KCTD16: variants seen among roughly 807,000 people sequenced by gnomAD.
KCTD16 encodes potassium channel tetramerization domain containing 16.
In KCTD16, 13 loss-of-function variants were observed where a neutral mutation model predicts 33.2. The observed-to-expected ratio is 0.39, with a 90% CI of 0.25 to 0.62. The LOEUF is 0.62. KCTD16 is among the 20% of genes least tolerant of loss of function. The pLI is 0.50. For missense variants in KCTD16, 441 were observed against 525.1 expected (o/e 0.84, Z 1.57); for synonymous variants, 197 against 195.3 (o/e 1.01, Z -0.07).
At chr5:144,299,063 TATATATATA>T (rs1231472976) in intron 3 of KCTD16, among the ~76,000 whole-genome samples, 3,372 of 90,512 alleles carry the variant, frequency 0.037, 441 homozygotes, top group African/African-American at 0.1. Context: ...TATATATATA[TATATATATA>T]TTTTTGTATA....
chr5:144,356,147 TACG>T (rs1458949731), intron 3 of KCTD16, among the ~76,000 whole-genome samples: 5 of 152,188 alleles, frequency 3.3e-5, no homozygotes, highest in Non-Finnish European at 5.9e-5. Flanking sequence ...GGTTAGAAGC[TACG>T]ACGGTCTCAC....
In KCTD16 at chr5:144,479,074, T is replaced by G. The variant is rs773790868; in HGVS notation, c.*4960T>G. The G allele has an allele frequency of 5.3e-5, 8 of 152,000 alleles. No homozygotes were observed. The highest frequency in any genetic ancestry group is 4.8e-5 in the African/African-American group (2 of 41,436). The allele number at this position is 152,000 out of a possible 1,614,324, so 9.4% of individuals were successfully genotyped here. A position where few individuals can be genotyped will look rare whatever the true frequency, so the allele number is the denominator to read the frequency against. On this transcript the variant is annotated 3_prime_UTR_variant, in exon 4 of 4. Transcript: ENST00000512467. ...GATCTTTCCCAAGGAGAGTTGTTTA[T>G]TTCTAGGCCCTTACTTAGTATGAGT... is the stretch of plus-strand genomic sequence containing the variant.
intron 3 of KCTD16, among the ~76,000 whole-genome samples, chr5:144,245,075 G>C (rs1378234027): frequency 6.6e-6 from 1 of 152,076 alleles, no homozygotes; most frequent in Non-Finnish European, 1.5e-5. Context: ...TGTATGTTTT[G>C]TTTATTCCAT....
At chr5:144,182,308 A>C (rs1752642539) in intron 2 of KCTD16, among the ~76,000 whole-genome samples, 1 of 152,226 alleles carries the variant, frequency 6.6e-6, no homozygotes, top group African/African-American at 2.4e-5. Context: ...AGCCTCCAGA[A>C]TGATAAGCCA....
intron 3 of KCTD16, among the ~76,000 whole-genome samples, chr5:144,457,234 GAGA>G (rs1216741581): frequency 6.6e-6 from 1 of 152,258 alleles, no homozygotes; most frequent in Non-Finnish European, 1.5e-5. Context: ...GCTGTCAAGA[GAGA>G]AGATGAATAA....
At chr5:144,280,712 C>A (rs1297008375) in intron 3 of KCTD16, among the ~76,000 whole-genome samples, 1 of 152,200 alleles carries the variant, frequency 6.6e-6, no homozygotes, top group African/African-American at 2.4e-5. Flanking sequence ...ATCACGAGGT[C>A]AGGAGATCGA....
chr5:144,391,250 G>C (rs570337913), intron 3 of KCTD16, among the ~76,000 whole-genome samples: 3 of 152,190 alleles, frequency 2.0e-5, no homozygotes, highest in Non-Finnish European at 4.4e-5. Context: ...ATTGCAAAAG[G>C]CTTCTCAGAA....
chr5:144,330,630 C>T (rs1339808857), intron 3 of KCTD16, among the ~76,000 whole-genome samples: 1 of 152,010 alleles, frequency 6.6e-6, no homozygotes, highest in Non-Finnish European at 1.5e-5. Flanking sequence ...ATAATATTTA[C>T]TGATGCTAGC....
At chr5:144,461,867 T>G (rs996976662) in intron 3 of KCTD16, among the ~76,000 whole-genome samples, 3 of 152,252 alleles carry the variant, frequency 2.0e-5, no homozygotes, top group African/African-American at 7.2e-5. Flanking sequence ...TTTTTTCCCT[T>G]GACTCACCTT....
chr5:144,317,569 C>T (rs976575019), intron 3 of KCTD16, among the ~76,000 whole-genome samples: 4 of 152,124 alleles, frequency 2.6e-5, no homozygotes, highest in Non-Finnish European at 5.9e-5. Context: ...CTGGCCCTGC[C>T]CCACCATTTA....
At position 144,457,050 on chromosome 5, in the gene KCTD16, T is replaced by C. The variant is rs78788291; in HGVS notation, c.833-16610T>C. 4.9e-3 allele frequency among the ~76,000 whole-genome samples: 739 copies of C among 152,322 alleles called. 8 individuals carry two copies. Among genetic ancestry groups the C allele is most frequent in the African/African-American group, 0.017 (709 of 41,570 alleles). ...GCTGAGGAAACAAACTATATTTGAA[T>C]AAAATACAAATTTGTAATGGAGAAG... On this transcript the variant is annotated intron_variant, in intron 3 of 3. Coordinates refer to ENST00000512467, the MANE Select transcript of KCTD16 (RefSeq NM_020768.4).
chr5:144,444,152 T>C (rs1753769326), intron 3 of KCTD16, among the ~76,000 whole-genome samples: 1 of 151,806 alleles, frequency 6.6e-6, no homozygotes, highest in South Asian at 2.1e-4. Context: ...TCGTTTCATG[T>C]TTTTTTTAGC....
chr5:144,302,853 C>A (rs927984783), intron 3 of KCTD16, among the ~76,000 whole-genome samples: 6 of 152,318 alleles, frequency 3.9e-5, no homozygotes, highest in African/African-American at 1.4e-4. Context: ...AAAAAGCCCA[C>A]TTGGCCTCTT....
intron 3 of KCTD16, among the ~76,000 whole-genome samples, chr5:144,273,859 G>A (rs1306287596): frequency 6.6e-6 from 1 of 151,742 alleles, no homozygotes; most frequent in African/African-American, 2.4e-5. Flanking sequence ...GATGGATGGT[G>A]GTGACGGTTG....
intron 3 of KCTD16, among the ~76,000 whole-genome samples, chr5:144,242,078 G>A (rs1465574258): frequency 3.3e-5 from 5 of 151,796 alleles, no homozygotes; most frequent in African/African-American, 4.9e-5. Flanking sequence ...AACTGAAAGA[G>A]GCTTAATTTT....
chr5:144,262,955 C>T (rs968733136), intron 3 of KCTD16, among the ~76,000 whole-genome samples: 1 of 152,142 alleles, frequency 6.6e-6, no homozygotes, highest in Admixed American at 6.5e-5. Context: ...TGCTGGTGGA[C>T]ACCTTCTAAC....
intron 3 of KCTD16, among the ~76,000 whole-genome samples, chr5:144,228,836 G>C (rs1194509275): frequency 5.3e-5 from 8 of 152,152 alleles, no homozygotes; most frequent in African/African-American, 1.9e-4. Context: ...AGCCGATACA[G>C]TACATATAGT....
intron 3 of KCTD16, among the ~76,000 whole-genome samples, chr5:144,461,853 G>T (rs1281626559): frequency 1.3e-5 from 2 of 152,090 alleles, no homozygotes; most frequent in African/African-American, 4.8e-5. Context: ...AATATTTATG[G>T]GTCTTTTTTC....
At chr5:144,415,913 A>G (rs1365791981) in intron 3 of KCTD16, among the ~76,000 whole-genome samples, 9 of 152,204 alleles carry the variant, frequency 5.9e-5, no homozygotes, top group Non-Finnish European at 1.3e-4. Flanking sequence ...AAACCATGTG[A>G]TGCAAAATGA....
Sources: gnomAD v4.1 joint callset for allele counts (sites outside exome capture counted in the v4.1 genomes callset) on GRCh38, gnomAD v4.1.1 for gene constraint, MANE v1.5 for transcripts, NCBI Gene and HGNC (gene_info 2026-07-23, HGNC 2026-07-21) for gene names.